Variants in ARID4A observed in about 807,000 individuals in gnomAD.
ARID4A encodes AT-rich interactive domain-containing protein 4A.
ARID4A carries 39 observed loss-of-function variants against 148.6 expected under a neutral mutation model. That is an observed-to-expected ratio of 0.26 (90% confidence interval 0.20 to 0.34). ARID4A has a LOEUF of 0.34. Ranked by LOEUF, ARID4A falls within the 10% of genes least tolerant of loss-of-function variation. The pLI, the probability that ARID4A is intolerant of heterozygous loss-of-function variation, is 1.00. For missense variants in ARID4A, 1,265 were observed against 1,449.1 expected (o/e 0.87, Z 2.06); for synonymous variants, 475 against 481.2 (o/e 0.99, Z 0.17).
rs955773461 is a variant in ARID4A, at chr14:58,298,590, G to C, written c.-168G>C. ...GTAAATCGGGGCGAGTGGGGAACCC[G>C]GCGCAGGAACTGCAGCCGCGGCTGG... On this transcript the variant is annotated 5_prime_UTR_variant, in exon 1 of 24. Coordinates refer to ENST00000355431, the MANE Select transcript of ARID4A (RefSeq NM_002892.4). 5.9e-5 allele frequency: 9 copies of C among 153,018 alleles called. No individual in the cohort carries two copies. Among genetic ancestry groups the C allele is most frequent in the African/African-American group, 2.2e-4 (9 of 41,466 alleles). The allele number at this position is 153,018 out of a possible 1,614,324, so 9.5% of individuals were successfully genotyped here.
At chr14:58,342,070 A>G (rs2034142952) in intron 11 of ARID4A, among the ~76,000 whole-genome samples, 1 of 151,964 alleles carries the variant, frequency 6.6e-6, no homozygotes, top group African/African-American at 2.4e-5. Context: ...AAAAGTCACG[A>G]AGGCACATTC....
At chr14:58,333,043 C>T (rs1364120654) in intron 11 of ARID4A, among the ~76,000 whole-genome samples, 1 of 152,004 alleles carries the variant, frequency 6.6e-6, no homozygotes, top group Non-Finnish European at 1.5e-5. Context: ...GAAAGAGCAC[C>T]TTTTCCACTT....
At chr14:58,321,735 C>T (rs1176442957) in intron 7 of ARID4A, among the ~76,000 whole-genome samples, 3 of 151,992 alleles carry the variant, frequency 2.0e-5, no homozygotes, top group Admixed American at 6.6e-5. Context: ...CCTCCGAGGA[C>T]CCTAAATGGA....
At chr14:58,354,772 A>G (rs1475503366) in intron 17 of ARID4A, among the ~76,000 whole-genome samples, 1 of 152,188 alleles carries the variant, frequency 6.6e-6, no homozygotes, top group Non-Finnish European at 1.5e-5. Context: ...GGTTTTCGTA[A>G]TAAATCTTAT....
intron 5 of ARID4A, among the ~76,000 whole-genome samples, chr14:58,314,004 T>C (rs1464570854): frequency 6.6e-6 from 1 of 151,746 alleles, no homozygotes; most frequent in African/African-American, 2.4e-5. Context: ...CTTCTCTAGG[T>C]ATTCCTTAAT....
At chr14:58,317,603 T>TAA (rs1374816755) in intron 5 of ARID4A, among the ~76,000 whole-genome samples, 23 of 145,484 alleles carry the variant, frequency 1.6e-4, no homozygotes, top group Admixed American at 6.9e-5. Flanking sequence ...AGTTTCTTTT[T>TAA]AAAAAAACCT....
At chr14:58,365,429 A>G in intron 20 of ARID4A, 89 bp from the exon 21 acceptor site, 2 of 1,391,628 alleles carry the variant, frequency 1.4e-6, no homozygotes, top group East Asian at 2.4e-5. Flanking sequence ...TTAAAAAGAA[A>G]GAAATGTCAG....
rs2035691135 is a variant in ARID4A at position 58,373,596 on chromosome 14, C to G, written c.*1607C>G. On this transcript the variant is annotated 3_prime_UTR_variant, in exon 24 of 24. Coordinates refer to ENST00000355431, the MANE Select transcript of ARID4A (RefSeq NM_002892.4). ...GAACTTGTGATTCAGATTCCATTTT[C>G]TCAGAGAATTAAAAACAAAAAAAGT... 1 of 176,222 alleles carries G rather than the reference C, an allele frequency of 5.7e-6. No individual in the cohort carries two copies. Among genetic ancestry groups the G allele is most frequent in the Admixed American group, 6.3e-5 (1 of 15,772 alleles). 10.9% of individuals were successfully genotyped at this position (176,222 alleles called of 1,614,324 possible). A position where few individuals can be genotyped will look rare whatever the true frequency, so the allele number is the denominator to read the frequency against.
intron 1 of ARID4A, chr14:58,299,202 C>T (rs1209729649): frequency 6.6e-6 from 1 of 152,628 alleles, no homozygotes; most frequent in African/African-American, 2.4e-5. Context: ...CTCCGCCCCC[C>T]GCCCCCTCCC....
At position 58,372,078 on chromosome 14, in the gene ARID4A, G is replaced by A; in HGVS notation, c.*89G>A. On this transcript the variant is annotated 3_prime_UTR_variant, in exon 24 of 24. Transcript: ENST00000355431. ...TACAACCACAGAAAGCACTCAACTG[G>A]TTTGACATTGCTAAGTATATCCTGT... 1 of 875,404 alleles carries A rather than the reference G, an allele frequency of 1.1e-6. No individual in the cohort carries two copies. The highest frequency in any genetic ancestry group is 1.4e-5 in the South Asian group (1 of 69,708). The allele number at this position is 875,404 out of a possible 1,614,324, so 54.2% of individuals were successfully genotyped here. A position where few individuals can be genotyped will look rare whatever the true frequency, so the allele number is the denominator to read the frequency against.
intron 11 of ARID4A, among the ~76,000 whole-genome samples, chr14:58,341,557 A>G (rs1417708903): frequency 2.0e-5 from 3 of 152,168 alleles, no homozygotes; most frequent in African/African-American, 7.2e-5. Context: ...TTACCTTTCT[A>G]CACCTCCTGC....
intron 3 of ARID4A, among the ~76,000 whole-genome samples, chr14:58,303,345 A>G (rs1328774599): frequency 6.6e-6 from 1 of 152,152 alleles, no homozygotes; most frequent in African/African-American, 2.4e-5. Context: ...GTGATATAGC[A>G]TTGTTAACTA....
intron 8 of ARID4A, among the ~76,000 whole-genome samples, chr14:58,326,200 G>A (rs1441658163): frequency 1.3e-5 from 2 of 152,206 alleles, no homozygotes; most frequent in Non-Finnish European, 2.9e-5. Context: ...CACTTTGGGA[G>A]GCTGAGGTGG....
intron 5 of ARID4A, among the ~76,000 whole-genome samples, chr14:58,313,431 C>T (rs1003105977): frequency 2.0e-5 from 3 of 152,178 alleles, no homozygotes; most frequent in African/African-American, 7.2e-5. Flanking sequence ...CTATGAGAAT[C>T]TAATGCCACT....
rs775109804 is a variant in ARID4A, at chr14:58,353,786, G to A, written c.1784G>A (p.Ser595Asn). The A allele has an allele frequency of 1.4e-5, 22 of 1,613,892 alleles. No homozygotes were observed. The highest frequency in any genetic ancestry group is 8.0e-5 in the African/African-American group (6 of 74,906). Residue 595 changes from serine (S) to asparagine (N), a missense_variant, in exon 17 of 24, where the codon AGT becomes AAT. Coordinates refer to ENST00000355431, the MANE Select transcript of ARID4A (RefSeq NM_002892.4). Reference protein sequence around the residue: ...RGKTQKIYEASIKSTEIDDGE... With the variant: ...RGKTQKIYEANIKSTEIDDGE... The stretch of plus-strand genomic sequence containing the variant: ...AAGACTCAGAAAATTTATGAAGCCA[G>A]TATTAAAAGCACTGAAATTGATGAC...
At chr14:58,357,360 C>T (rs946892226) in intron 17 of ARID4A, among the ~76,000 whole-genome samples, 8 of 152,280 alleles carry the variant, frequency 5.3e-5, no homozygotes, top group Non-Finnish European at 1.2e-4. Context: ...TATAGGTAGT[C>T]ATGGTACCAT....
In ARID4A at chr14:58,306,044, G is replaced by T; in HGVS notation, c.206G>T (p.Arg69Met). 6.2e-7 allele frequency: 1 copy of T among 1,613,606 alleles called. No homozygotes were observed. The highest frequency in any genetic ancestry group is 8.5e-7 in the Non-Finnish European group (1 of 1,179,708). ...PLRVGAIVET[R>M]TSDGSFQEAI... ...TAGGTTGGAGCTATTGTTGAAACAA[G>T]GACATCTGATGGATCTTTTCAGGAA... The change falls in exon 5 of 24, where the codon AGG becomes ATG. Residue 69 changes from arginine (R) to methionine (M), a missense_variant. Arg to Met is a moderately conservative substitution (Grantham distance 91). Transcript: ENST00000355431.
chr14:58,362,953 A>G (rs2035198439), intron 19 of ARID4A, among the ~76,000 whole-genome samples: 1 of 152,178 alleles, frequency 6.6e-6, no homozygotes, highest in African/African-American at 2.4e-5. Flanking sequence ...ATTAGTCCAT[A>G]TGGTGCTTGT....
intron 7 of ARID4A, among the ~76,000 whole-genome samples, chr14:58,322,978 AAAATATAT>A (rs1189013860): frequency 1.4e-5 from 2 of 141,186 alleles, no homozygotes; most frequent in Non-Finnish European, 3.1e-5. Context: ...AAAAAAAAAA[AAAATATAT>A]ATATATATAT....
Sources: gnomAD v4.1 joint callset for allele counts (sites outside exome capture counted in the v4.1 genomes callset) on GRCh38, gnomAD v4.1.1 for gene constraint, MANE v1.5 for transcripts, NCBI Gene and HGNC (gene_info 2026-07-23, HGNC 2026-07-21) for gene names.